The following LRRK1 variants were observed in gnomAD, a reference collection of about 807,000 sequenced individuals.
LRRK1 encodes the protein leucine rich repeat kinase 1.
Under a neutral mutation model 209.1 loss-of-function variants are expected in LRRK1, and 113 were observed. The ratio of observed to expected loss-of-function variants is 0.54; its 90% CI spans 0.46 to 0.63. The LOEUF (loss-of-function observed/expected upper bound fraction) is 0.63. Ranked by LOEUF, LRRK1 falls within the 30% of genes least tolerant of loss-of-function variation. The probability of loss-of-function intolerance (pLI) is 0.00; values close to 1 mark genes in which losing one functional copy is unlikely to be tolerated. For missense variants in LRRK1, 2,284 were observed against 2,632.2 expected (o/e 0.87, Z 2.89); for synonymous variants, 1,144 against 1,099.7 (o/e 1.04, Z -0.80).
rs1567276891 is a variant in LRRK1, at chr15:101,056,948, G to C, written c.4425G>C (p.Lys1475Asn). ...ACCACCAGCTCCAGATTGCCAAGAA[G>C]CTGTCCAAGGGCATCCGCCCGGTTC... ...LGHHQLQIAKKLSKGIRPVLG... is the reference protein window; with the variant it reads ...LGHHQLQIAKNLSKGIRPVLG... Residue 1475 changes from lysine to asparagine, a missense_variant, in exon 28 of 34, where the codon AAG (lysine) becomes AAC (asparagine). Lys to Asn is a moderately conservative substitution (Grantham distance 94). Coordinates refer to ENST00000388948, the MANE Select transcript of LRRK1 (RefSeq NM_024652.6). 1.2e-6 allele frequency: 2 copies of C among 1,614,086 alleles called. No homozygotes were observed. Among genetic ancestry groups the C allele is most frequent in the African/African-American group, 2.7e-5 (2 of 74,938 alleles).
chr15:100,945,282 CAT>C lies in LRRK1; in HGVS notation c.97+20554_97+20555del, dbSNP rs144384106. ...CTGTTTATGCCCCAATCCCTGAAAA[CAT>C]GTGTGCGTGTCTGTTTCCCAGTGGC... On this transcript the variant is annotated intron_variant, in intron 2 of 33. Transcript: ENST00000388948. 7.6e-3 allele frequency among the ~76,000 whole-genome samples: 1,158 copies of C among 152,206 alleles called. 9 individuals are homozygous for C. Among genetic ancestry groups the C allele is most frequent in the African/African-American group, 0.026 (1,083 of 41,528 alleles).
intron 33 of LRRK1, chr15:101,067,459 G>T: frequency 3.3e-6 from 1 of 299,310 alleles, no homozygotes; most frequent in East Asian, 7.9e-5. Flanking sequence ...GTGTGTGTGT[G>T]TGTGTACTTT....
rs762141505 is a variant in LRRK1, at chr15:101,066,603, G to A, written c.5769-37G>A. ...TCACTCCCCGGAGAGCACGGCTACCGACAAATCGCTTCCCCTTCTGGGTTT... is the reference window on the plus strand; with the variant it reads ...TCACTCCCCGGAGAGCACGGCTACCAACAAATCGCTTCCCCTTCTGGGTTT... On this transcript the variant is annotated intron_variant, in intron 32 of 33. Transcript: ENST00000388948. 38 of 1,598,116 alleles carry A rather than the reference G, an allele frequency of 2.4e-5. No homozygotes were observed. In the African/African-American group the frequency reaches 2.8e-4, roughly 12 times the overall value.
chr15:101,009,640 T>A (rs1306287137), intron 7 of LRRK1, among the ~76,000 whole-genome samples: 1 of 152,146 alleles, frequency 6.6e-6, no homozygotes, highest in Non-Finnish European at 1.5e-5. Context: ...CCAACTGGAG[T>A]GCAGTGGCAT....
At chr15:101,014,481 G>C (rs537679202) in intron 11 of LRRK1, 53 bp downstream of exon 11, 19 of 1,177,894 alleles carry the variant, frequency 1.6e-5, no homozygotes, top group Middle Eastern at 4.1e-4. Context: ...GTGGGGCCAC[G>C]GTCGAGCAGG....
intron 7 of LRRK1, among the ~76,000 whole-genome samples, chr15:101,010,206 G>A (rs1288312037): frequency 1.3e-5 from 2 of 152,198 alleles, no homozygotes; most frequent in Admixed American, 6.5e-5. Context: ...CGAAGGATTC[G>A]AATCCCTGTT....
intron 2 of LRRK1, among the ~76,000 whole-genome samples, chr15:100,965,802 T>G (rs7178481): frequency 0.7 from 106,996 of 152,102 alleles, 37,974 homozygotes; most frequent in Middle Eastern, 0.76. Context: ...GCAAGTAAGA[T>G]GCCTGAAAAT....
chr15:101,017,588 G>A (rs568217990), intron 12 of LRRK1, among the ~76,000 whole-genome samples: 126 of 152,172 alleles, frequency 8.3e-4, no homozygotes, highest in African/African-American at 2.8e-3. Context: ...ATAGGAGCGC[G>A]AACCCTATTG....
At chr15:100,986,653 C>G (rs1316754921) in intron 4 of LRRK1, among the ~76,000 whole-genome samples, 2 of 152,174 alleles carry the variant, frequency 1.3e-5, no homozygotes, top group African/African-American at 4.8e-5. Flanking sequence ...GGCACAATGC[C>G]GAAAACCTGG....
chr15:100,969,693 G>A (rs2030731215), intron 2 of LRRK1, among the ~76,000 whole-genome samples: 1 of 151,926 alleles, frequency 6.6e-6, no homozygotes, highest in South Asian at 2.1e-4. Flanking sequence ...TTCCCCTCTT[G>A]TTTCCATGTA....
Position 101,058,016 on chromosome 15 carries a change from C to G in LRRK1, c.4554C>G (p.Ser1518Arg), listed in dbSNP as rs765366973. The G allele has an allele frequency of 1.9e-6, 3 of 1,614,124 alleles. No individual in the cohort carries two copies. In the South Asian group the frequency reaches 3.3e-5, roughly 18 times the overall value. The change falls in exon 29 of 34, where the codon AGC (serine) becomes AGG (arginine). Residue 1518 changes from serine (S) to arginine (R), a missense_variant. Physicochemically the swap from Ser to Arg is moderately radical, Grantham distance 110. Transcript: ENST00000388948. ...EKRPLALSVV[S>R]QMKDPTFATF... ...GACCGCTGGCCCTGTCGGTGGTGAG[C>G]CAGATGAAGGACCCGACTTTTGCCA...
chr15:101,039,628 G>GC (rs1447892441), intron 20 of LRRK1, among the ~76,000 whole-genome samples: 9 of 152,138 alleles, frequency 5.9e-5, no homozygotes, highest in Admixed American at 1.3e-4. Flanking sequence ...GGTTTAAATA[G>GC]AAGGGATGAG....
At chr15:101,062,519 A>T (rs1311341957) in intron 30 of LRRK1, 55 bp from the exon 31 acceptor site, 1 of 1,263,136 alleles carries the variant, frequency 7.9e-7, no homozygotes. Flanking sequence ...ATGGCTTGGG[A>T]AATGCCAGAC....
At position 100,919,862 on chromosome 15, in the gene LRRK1, A is replaced by T. The variant is rs2041989162; in HGVS notation, c.-123+411A>T. Among the ~76,000 whole-genome samples the T allele has an allele frequency of 6.6e-6, 1 of 151,946 alleles. No individual in the cohort carries two copies. The highest frequency in any genetic ancestry group is 2.4e-5 in the African/African-American group (1 of 41,356). Reference sequence around the variant, plus strand: ...TTTCCTCTGCCTTTGGAGCGAACCCAGTCCCTTAGCGGGGAGCGGGCGGAG... The same window carrying T: ...TTTCCTCTGCCTTTGGAGCGAACCCTGTCCCTTAGCGGGGAGCGGGCGGAG... On this transcript the variant is annotated intron_variant, in intron 1 of 33. Coordinates refer to ENST00000388948, the MANE Select transcript of LRRK1 (RefSeq NM_024652.6). The surrounding 1 kb of genome is among the most constrained non-coding windows in gnomAD (Gnocchi z 5.8).
At chr15:100,957,657 T>C (rs1431405171) in intron 2 of LRRK1, among the ~76,000 whole-genome samples, 1 of 152,262 alleles carries the variant, frequency 6.6e-6, no homozygotes, top group Non-Finnish European at 1.5e-5. Context: ...TCTTTTGTCA[T>C]TCCTTCACTT....
At position 101,053,316 on chromosome 15, in the gene LRRK1, C is replaced by G; in HGVS notation, c.3950C>G (p.Pro1317Arg). 1.2e-6 allele frequency: 2 copies of G among 1,605,394 alleles called. No individual in the cohort carries two copies. The highest frequency in any genetic ancestry group is 1.7e-6 in the Non-Finnish European group (2 of 1,179,906). The change falls in exon 26 of 34, where the codon CCC becomes CGC. Residue 1317 changes from proline to arginine, a missense_variant. Pro to Arg is a moderately radical substitution (Grantham distance 103). Coordinates refer to ENST00000388948, the MANE Select transcript of LRRK1 (RefSeq NM_024652.6). ...EASMLHALQHPCIVALIGISI... is the reference protein window; with the variant it reads ...EASMLHALQHRCIVALIGISI... ...AGCATGCTGCACGCGCTGCAGCACC[C>G]CTGCATCGTGGCGCTCATCGGCATC...
chr15:101,002,616 G>T (rs141475933), intron 6 of LRRK1, among the ~76,000 whole-genome samples: 1 of 152,240 alleles, frequency 6.6e-6, no homozygotes, highest in Non-Finnish European at 1.5e-5. Context: ...TTGCTCTCTC[G>T]GAATCTTGTT....
intron 10 of LRRK1, among the ~76,000 whole-genome samples, chr15:101,013,827 T>C (rs1397704709): frequency 6.6e-6 from 1 of 151,950 alleles, no homozygotes; most frequent in Non-Finnish European, 1.5e-5. Flanking sequence ...GGCATGCGGC[T>C]AGGACAGTTA....
intron 1 of LRRK1, among the ~76,000 whole-genome samples, chr15:100,920,668 C>T (rs939387860): frequency 7.5e-6 from 1 of 132,738 alleles, no homozygotes; most frequent in African/African-American, 2.8e-5. Flanking sequence ...CCCCACCCTG[C>T]CCCTTGTCCA....
Sources: allele counts gnomAD v4.1 joint callset (sites outside exome capture counted in the v4.1 genomes callset), GRCh38; gene constraint gnomAD v4.1.1; non-coding constraint Gnocchi (gnomAD v3.1); transcripts MANE v1.5; gene names NCBI Gene and HGNC (gene_info 2026-07-23, HGNC 2026-07-21).